The following KDM4C variants were observed in gnomAD, a reference collection of about 807,000 sequenced individuals.
KDM4C encodes the protein lysine demethylase 4C.
KDM4C carries 81 observed loss-of-function variants against 129.3 expected under a neutral mutation model. The ratio of observed to expected loss-of-function variants is 0.63; its 90% confidence interval spans 0.52 to 0.75. The LOEUF (loss-of-function observed/expected upper bound fraction) is 0.75. Ranked by LOEUF, KDM4C falls within the 30% of genes least tolerant of loss-of-function variation. The pLI, the probability that KDM4C is intolerant of heterozygous loss-of-function variation, is 0.00. For missense variants in KDM4C, 1,457 were observed against 1,304.0 expected (o/e 1.12, Z -1.81); for synonymous variants, 573 against 456.1 (o/e 1.26, Z -3.26).
At chr9:6,835,979 T>C (rs12001056) in intron 4 of KDM4C, among the ~76,000 whole-genome samples, 1 of 152,192 alleles carries the variant, frequency 6.6e-6, no homozygotes, top group African/African-American at 2.4e-5. Flanking sequence ...CAAATTTTTT[T>C]AAATTTTTGC....
intron 8 of KDM4C, among the ~76,000 whole-genome samples, chr9:6,970,149 A>C (rs1232388960): frequency 6.6e-6 from 1 of 152,270 alleles, no homozygotes; most frequent in Non-Finnish European, 1.5e-5. Flanking sequence ...GAGAAATCTT[A>C]GGAACAAATC....
chr9:6,807,769 C>A (rs1830306756), intron 3 of KDM4C, among the ~76,000 whole-genome samples: 1 of 146,054 alleles, frequency 6.8e-6, no homozygotes, highest in Non-Finnish European at 1.5e-5. Flanking sequence ...CGCCCGGCAG[C>A]CACCCCGTCT....
chr9:7,047,881 G>A (rs1041671010), intron 16 of KDM4C, among the ~76,000 whole-genome samples: 7 of 151,950 alleles, frequency 4.6e-5, no homozygotes, highest in South Asian at 2.1e-4. Context: ...ATTCCGCCTG[G>A]CCCCCTGGGC....
intron 8 of KDM4C, among the ~76,000 whole-genome samples, chr9:6,934,826 A>G (rs993561646): frequency 1.3e-5 from 2 of 152,140 alleles, no homozygotes; most frequent in African/African-American, 2.4e-5. Context: ...CAAAAAAATA[A>G]GATTTTATTA....
At chr9:6,998,212 T>C (rs1305818377) in intron 12 of KDM4C, among the ~76,000 whole-genome samples, 7 of 152,224 alleles carry the variant, frequency 4.6e-5, no homozygotes, top group Non-Finnish European at 1.0e-4. Context: ...AAGAGTGTAT[T>C]TCAGGCAATG....
Position 7,174,781 on chromosome 9 carries a change from A to C in KDM4C, c.*52A>C. On this transcript the variant is annotated 3_prime_UTR_variant, in exon 22 of 22. Coordinates refer to ENST00000381309, the MANE Select transcript of KDM4C (RefSeq NM_015061.6). Reference sequence around the variant, plus strand: ...AGCAGCTTGGGTTGGAAGAGAGAAGATGAAGGGACATCCTTGGGGCTGTGC... The same window carrying C: ...AGCAGCTTGGGTTGGAAGAGAGAAGCTGAAGGGACATCCTTGGGGCTGTGC... 1.3e-6 allele frequency: 2 copies of C among 1,483,906 alleles called. No individual in the cohort carries two copies. The highest frequency in any genetic ancestry group is 1.9e-6 in the Non-Finnish European group (2 of 1,068,422). The allele number at this position is 1,483,906 out of a possible 1,614,324, so 91.9% of individuals were successfully genotyped here.
At chr9:6,969,498 AAC>A (rs1192075300) in intron 8 of KDM4C, among the ~76,000 whole-genome samples, 1 of 152,318 alleles carries the variant, frequency 6.6e-6, no homozygotes, top group African/African-American at 2.4e-5. Flanking sequence ...TGGAAATGTA[AAC>A]AGTCTCTTTT....
At chr9:6,786,345 C>A (rs1825494166) in intron 1 of KDM4C, among the ~76,000 whole-genome samples, 1 of 152,060 alleles carries the variant, frequency 6.6e-6, no homozygotes, top group South Asian at 2.1e-4. Flanking sequence ...TAGTGCTGGA[C>A]TTTATTCAAT....
At position 6,773,214 on chromosome 9, in the gene KDM4C, C is replaced by A. The variant is rs147737171; in HGVS notation, c.-18+15011C>A. On this transcript the variant is annotated intron_variant, in intron 1 of 21. Transcript: ENST00000381309. ...ACAGGGTCTCCCTATATTGCCCAGC[C>A]TTATCTCGAACTCCTGAGCTTAAGC... Among the ~76,000 whole-genome samples, 135 of 151,940 alleles carry A rather than the reference C, an allele frequency of 8.9e-4. 2 individuals carry two copies. Among genetic ancestry groups the A allele is most frequent in the African/African-American group, 3.1e-3 (129 of 41,420 alleles).
At chr9:6,739,632 G>T (rs1172693766) in intron 1 of KDM4C, among the ~76,000 whole-genome samples, 1 of 143,690 alleles carries the variant, frequency 7.0e-6, no homozygotes, top group Non-Finnish European at 1.5e-5. Context: ...ATGCAGGGTA[G>T]ATTTTTTTTT....
chr9:6,861,848 T>G (rs1224041841), intron 5 of KDM4C, among the ~76,000 whole-genome samples: 1 of 151,552 alleles, frequency 6.6e-6, no homozygotes, highest in Non-Finnish European at 1.5e-5. Context: ...TGATCTCGGC[T>G]GTAACTGCTG....
At chr9:7,093,553 C>A (rs956182072) in intron 17 of KDM4C, among the ~76,000 whole-genome samples, 1 of 151,966 alleles carries the variant, frequency 6.6e-6, no homozygotes, top group Non-Finnish European at 1.5e-5. Context: ...TTGGATGGTC[C>A]GCATTTTTCA....
At chr9:7,008,220 G>C (rs1822030834) in intron 12 of KDM4C, among the ~76,000 whole-genome samples, 2 of 152,262 alleles carry the variant, frequency 1.3e-5, no homozygotes, top group Admixed American at 1.3e-4. Flanking sequence ...GTCCGTTGCA[G>C]TGAAACCCAG....
chr9:6,753,074 G>T (rs147504812), upstream of KDM4C, among the ~76,000 whole-genome samples: 18 of 152,252 alleles, frequency 1.2e-4, no homozygotes, highest in African/African-American at 3.9e-4. Context: ...ATACTAATCA[G>T]TATCTCAAGA....
chr9:6,830,005 CT>C (rs1414418871), intron 4 of KDM4C, among the ~76,000 whole-genome samples: 1 of 152,178 alleles, frequency 6.6e-6, no homozygotes, highest in African/African-American at 2.4e-5. Context: ...AACCATTCAT[CT>C]ACAACTTCTC....
At chr9:6,924,132 A>G (rs74698972) in intron 8 of KDM4C, among the ~76,000 whole-genome samples, 3,690 of 152,302 alleles carry the variant, frequency 0.024, 110 homozygotes, top group East Asian at 0.14. Flanking sequence ...TTTTTTAAAA[A>G]AAGTTAGCTG....
chr9:6,805,427 T>C (rs1829782739), intron 2 of KDM4C, among the ~76,000 whole-genome samples, 172 bp from the exon 3 acceptor site: 1 of 152,140 alleles, frequency 6.6e-6, no homozygotes, highest in Non-Finnish European at 1.5e-5. Flanking sequence ...AATTTTGCTA[T>C]TGAATAACAT....
chr9:6,776,030 A>G (rs1449448804), intron 1 of KDM4C, among the ~76,000 whole-genome samples: 2 of 152,196 alleles, frequency 1.3e-5, no homozygotes, highest in Non-Finnish European at 2.9e-5. Flanking sequence ...ATACATGAAC[A>G]ATTAAAAATT....
chr9:6,832,326 T>C (rs1329646598), intron 4 of KDM4C, among the ~76,000 whole-genome samples: 1 of 144,844 alleles, frequency 6.9e-6, no homozygotes. Flanking sequence ...GGCGACAGAG[T>C]GAGACTCCGT....
Sources: gnomAD v4.1 joint callset for allele counts (sites outside exome capture counted in the v4.1 genomes callset) on GRCh38, gnomAD v4.1.1 for gene constraint, MANE v1.5 for transcripts, NCBI Gene and HGNC (gene_info 2026-07-23, HGNC 2026-07-21) for gene names.